Variants in PPHLN1 observed in about 807,000 individuals in gnomAD.
PPHLN1 encodes the protein periphilin 1, also known as periphilin-1.
A neutral mutation model predicts 51.3 loss-of-function variants in PPHLN1; 29 were observed. That is an observed-to-expected ratio of 0.57 (90% CI 0.42 to 0.77). The LOEUF (loss-of-function observed/expected upper bound fraction) is 0.77. Among genes scored for constraint, PPHLN1 ranks in the 30% least tolerant of loss-of-function variants. The probability of loss-of-function intolerance (pLI) is 0.00; values close to 1 mark genes in which losing one functional copy is unlikely to be tolerated. For synonymous variants in PPHLN1, 147 were observed against 147.8 expected (o/e 0.99, Z 0.04); for missense variants, 436 against 438.4 (o/e 0.99, Z 0.05).
intron 9 of PPHLN1, among the ~76,000 whole-genome samples, chr12:42,434,489 C>T (rs2082308876): frequency 6.6e-6 from 1 of 152,130 alleles, no homozygotes; most frequent in Admixed American, 6.5e-5. Context: ...GTTGCCTGGT[C>T]AGAAGTTTTG....
intron 9 of PPHLN1, chr12:42,431,889 C>G: frequency 6.3e-7 from 1 of 1,594,448 alleles, no homozygotes; most frequent in Non-Finnish European, 8.6e-7. Context: ...TTCCATCCAT[C>G]AGAACAGCAT....
chr12:42,446,311 C>T (rs2083320026), downstream of PPHLN1: 1 of 1,550,330 alleles, frequency 6.5e-7, no homozygotes, highest in South Asian at 1.2e-5. Context: ...TTTTTATTCT[C>T]TCACTTTGCC....
chr12:42,389,311 T>TG (rs1565909246), intron 7 of PPHLN1, among the ~76,000 whole-genome samples: 3 of 151,428 alleles, frequency 2.0e-5, no homozygotes, highest in Admixed American at 6.6e-5. Context: ...AGGCGGAACT[T>TG]GCAGTGAGCC....
At chr12:42,357,566 T>C (rs778971355) in intron 4 of PPHLN1, among the ~76,000 whole-genome samples, 20 of 152,128 alleles carry the variant, frequency 1.3e-4, no homozygotes, top group Non-Finnish European at 2.5e-4. Flanking sequence ...AAACATGACA[T>C]TGGAAGCTGA....
chr12:42,399,015 A>G, intron 9 of PPHLN1, 21 bp downstream of exon 9: 4 of 1,607,870 alleles, frequency 2.5e-6, no homozygotes, highest in Non-Finnish European at 2.6e-6. Flanking sequence ...AGTTGTCTTC[A>G]TGTACATAAT....
At chr12:42,436,307 C>T (rs1262295998) in intron 9 of PPHLN1, among the ~76,000 whole-genome samples, 2 of 152,162 alleles carry the variant, frequency 1.3e-5, no homozygotes, top group African/African-American at 4.8e-5. Flanking sequence ...TCAACATTTA[C>T]TGGGTATCAG....
chr12:42,437,092 T>C (rs2082544690), intron 9 of PPHLN1, among the ~76,000 whole-genome samples: 1 of 152,164 alleles, frequency 6.6e-6, no homozygotes, highest in South Asian at 2.1e-4. Flanking sequence ...TTTCTACTTG[T>C]AGCTCTTTCC....
chr12:42,414,506 C>G (rs2080191110), intron 9 of PPHLN1, among the ~76,000 whole-genome samples: 1 of 151,770 alleles, frequency 6.6e-6, no homozygotes, highest in Non-Finnish European at 1.5e-5. Context: ...AAGGATATTC[C>G]TAGGTATTTT....
intron 2 of PPHLN1, among the ~76,000 whole-genome samples, chr12:42,338,248 G>T (rs541248056): frequency 6.6e-6 from 1 of 152,186 alleles, no homozygotes; most frequent in Non-Finnish European, 1.5e-5. Context: ...TTTAAATTCT[G>T]TGTTTTGAAG....
At chr12:42,412,554 G>T (rs1264303297) in intron 9 of PPHLN1, among the ~76,000 whole-genome samples, 1 of 152,004 alleles carries the variant, frequency 6.6e-6, no homozygotes, top group Non-Finnish European at 1.5e-5. Flanking sequence ...ACGTATACAT[G>T]CAGGTGTCTT....
intron 4 of PPHLN1, among the ~76,000 whole-genome samples, chr12:42,366,996 C>T (rs1357781168): frequency 6.6e-6 from 1 of 152,140 alleles, no homozygotes; most frequent in Non-Finnish European, 1.5e-5. Context: ...ACATTCATGT[C>T]TGTAAATACC....
In PPHLN1 at chr12:42,441,325, A is replaced by G. The variant is rs1349766835; in HGVS notation, c.920A>G (p.Gln307Arg). The G allele has an allele frequency of 6.2e-7, 1 of 1,611,114 alleles. No individual in the cohort carries two copies. The highest frequency in any genetic ancestry group is 8.5e-7 in the Non-Finnish European group (1 of 1,178,036). The change falls in exon 10 of 10, where the codon CAA becomes CGA. Residue 307 changes from glutamine (Q) to arginine (R), a missense_variant. Physicochemically the swap from Gln to Arg is conservative, Grantham distance 43. Coordinates refer to ENST00000358314, the MANE Select transcript of PPHLN1 (RefSeq NM_201439.2). ...TGTTTTACCTTTTAGGTTTACCGACAAGACTGTGAAACTTTCGGGATGGTG... is the reference window on the plus strand; with the variant it reads ...TGTTTTACCTTTTAGGTTTACCGACGAGACTGTGAAACTTTCGGGATGGTG... ...KTKEIEQVYRQDCETFGMVVK... is the reference protein window; with the variant it reads ...KTKEIEQVYRRDCETFGMVVK...
rs2140011306 is a variant in PPHLN1, at chr12:42,441,739, C to G, written c.*230C>G. 2 of 1,160,972 alleles carry G rather than the reference C, an allele frequency of 1.7e-6. No individual in the cohort carries two copies. The highest frequency in any genetic ancestry group is 1.6e-5 in the African/African-American group (1 of 62,706). The allele number at this position is 1,160,972 out of a possible 1,614,324, so 71.9% of individuals were successfully genotyped here. A position where few individuals can be genotyped will look rare whatever the true frequency, so the allele number is the denominator to read the frequency against. On this transcript the variant is annotated 3_prime_UTR_variant, in exon 10 of 10. Transcript: ENST00000358314. ...TTCACCATGTTGGCCAGGCTAGTCT[C>G]TAACTCCTGGCCTCAAGTGATCTGC... is the stretch of plus-strand genomic sequence containing the variant.
At position 42,385,010 on chromosome 12, in the gene PPHLN1, T is replaced by TAG. The variant is rs1565897807; in HGVS notation, c.568+16_568+17dup. ...ATCCTGAAAGAGGTGAGTTTTGAGC[T>TAG]AGACTCTGATTTGGGATTGTGAAGG... On this transcript the variant is annotated intron_variant, in intron 6 of 9. Transcript: ENST00000358314. 4.4e-6 allele frequency: 7 copies of TAG among 1,594,280 alleles called. No homozygotes were observed. The highest frequency in any genetic ancestry group is 6.0e-6 in the Non-Finnish European group (7 of 1,161,960).
chr12:42,335,734 A>C (rs1229729421), intron 1 of PPHLN1, 149 bp from the exon 2 acceptor site: 1 of 379,838 alleles, frequency 2.6e-6, no homozygotes, highest in Non-Finnish European at 4.6e-6. Context: ...TGTTTGGAAG[A>C]AACATTCTTT....
chr12:42,383,929 A>C (rs916812295), intron 5 of PPHLN1, among the ~76,000 whole-genome samples: 1 of 143,058 alleles, frequency 7.0e-6, no homozygotes, highest in African/African-American at 2.5e-5. Context: ...GGTTGCACTG[A>C]ACTGAGATCA....
In PPHLN1 at chr12:42,415,405, T is replaced by A. The variant is rs893250288; in HGVS notation, c.909+16411T>A. 3.9e-5 allele frequency among the ~76,000 whole-genome samples: 6 copies of A among 152,204 alleles called. No individual in the cohort carries two copies. In the East Asian group the frequency reaches 1.2e-3, roughly 29 times the overall value. ...CAGGCTGGTCTTGGAACTCCTGACC[T>A]CATGATTCACCCGCCTCGGCCTCCC... On this transcript the variant is annotated intron_variant, in intron 9 of 9. Transcript: ENST00000358314.
chr12:42,432,990 T>C (rs1227337456), intron 9 of PPHLN1: 1 of 1,428,370 alleles, frequency 7.0e-7, no homozygotes, highest in African/African-American at 1.4e-5. Flanking sequence ...TTAAAATCTT[T>C]ATGTGCATTT....
intron 1 of PPHLN1, chr12:42,332,755 G>T: frequency 1.9e-6 from 2 of 1,073,092 alleles, no homozygotes; most frequent in Non-Finnish European, 2.7e-6. Flanking sequence ...CATTTTTTGT[G>T]GGACACCGGT....
Sources: gnomAD v4.1 joint callset for allele counts (sites outside exome capture counted in the v4.1 genomes callset) on GRCh38, gnomAD v4.1.1 for gene constraint, MANE v1.5 for transcripts, NCBI Gene and HGNC (gene_info 2026-07-23, HGNC 2026-07-21) for gene names.